The following CSMD1 variants were observed in gnomAD, a reference collection of about 807,000 sequenced individuals.
The protein encoded by CSMD1 is CUB and sushi domain-containing protein 1.
Under a neutral mutation model 417.5 loss-of-function variants are expected in CSMD1, and 213 were observed. That is an observed-to-expected ratio of 0.51 (90% CI 0.46 to 0.57). CSMD1 has a LOEUF of 0.57. Ranked by LOEUF, CSMD1 falls within the 20% of genes least tolerant of loss-of-function variation. The pLI, the probability that CSMD1 is intolerant of heterozygous loss-of-function variation, is 0.00. For missense variants in CSMD1, 6,923 were observed against 4,529.7 expected (o/e 1.53, Z -15.17); for synonymous variants, 2,862 against 1,736.8 (o/e 1.65, Z -16.11).
intron 7 of CSMD1, among the ~76,000 whole-genome samples, chr8:3,641,597 G>A (rs893505574): frequency 6.6e-6 from 1 of 152,140 alleles, no homozygotes; most frequent in African/African-American, 2.4e-5. Context: ...TGCTTCTTAT[G>A]TCTCAAGAGG....
intron 3 of CSMD1, among the ~76,000 whole-genome samples, chr8:4,233,724 T>C (rs1038311464): frequency 2.6e-5 from 4 of 152,122 alleles, no homozygotes; most frequent in Admixed American, 2.6e-4. Context: ...CAGACTAAGA[T>C]ATTAATAAAA....
At chr8:4,886,971 T>C (rs938275629) in intron 1 of CSMD1, among the ~76,000 whole-genome samples, 6 of 152,066 alleles carry the variant, frequency 3.9e-5, no homozygotes, top group African/African-American at 1.4e-4. Flanking sequence ...ATTCTGTATT[T>C]CATCATTTTC....
At chr8:3,970,178 C>T (rs770564872) in intron 5 of CSMD1, among the ~76,000 whole-genome samples, 2 of 146,588 alleles carry the variant, frequency 1.4e-5, no homozygotes, top group Non-Finnish European at 3.0e-5. Flanking sequence ...TGAATAGGAA[C>T]CTCTTGAACA....
At chr8:3,218,060 A>C in intron 29 of CSMD1, among the ~76,000 whole-genome samples, 1 of 152,206 alleles carries the variant, frequency 6.6e-6, no homozygotes, top group Non-Finnish European at 1.5e-5. Context: ...CAATAGCAAA[A>C]TGTTGAGTTG....
intron 5 of CSMD1, among the ~76,000 whole-genome samples, chr8:3,941,558 C>T (rs2129769166): frequency 6.6e-6 from 1 of 152,152 alleles, no homozygotes; most frequent in South Asian, 2.1e-4. Context: ...CAGTGGGTTT[C>T]CTTGGATATT....
chr8:4,180,083 T>C (rs574923791), intron 3 of CSMD1, among the ~76,000 whole-genome samples: 2 of 152,262 alleles, frequency 1.3e-5, no homozygotes, highest in South Asian at 4.2e-4. Context: ...ACTGGGTATA[T>C]ACCCAAAGAC....
intron 26 of CSMD1, among the ~76,000 whole-genome samples, chr8:3,279,869 T>C (rs1366731982): frequency 6.6e-6 from 1 of 152,172 alleles, no homozygotes; most frequent in African/African-American, 2.4e-5. Flanking sequence ...ACTGCCCTCA[T>C]GATCCAACCA....
intron 2 of CSMD1, among the ~76,000 whole-genome samples, chr8:4,576,126 C>T (rs145781354): frequency 1.5e-4 from 23 of 152,306 alleles, no homozygotes; most frequent in African/African-American, 5.1e-4. Flanking sequence ...CTAGCCTATC[C>T]CTCTTAGAAT....
intron 10 of CSMD1, among the ~76,000 whole-genome samples, chr8:3,511,112 C>T (rs917852404): frequency 2.0e-5 from 3 of 151,750 alleles, no homozygotes; most frequent in African/African-American, 7.3e-5. Context: ...CCATCACTGT[C>T]AGCAAACTAA....
chr8:3,946,563 A>G (rs74448867), intron 5 of CSMD1, among the ~76,000 whole-genome samples: 6,585 of 151,660 alleles, frequency 0.043, 225 homozygotes, highest in Non-Finnish European at 0.064. Context: ...TCCTAAAAAC[A>G]AACAAACAAA....
chr8:3,373,418 A>C (rs1275090328), intron 18 of CSMD1: 1 of 152,242 alleles, frequency 6.6e-6, no homozygotes, highest in African/African-American at 2.4e-5. Context: ...GTGCAAACAC[A>C]ACGTAGTCCA....
intron 2 of CSMD1, among the ~76,000 whole-genome samples, chr8:4,544,263 C>T (rs1048238935): frequency 3.3e-5 from 5 of 152,020 alleles, no homozygotes; most frequent in Non-Finnish European, 4.4e-5. Flanking sequence ...ATATTTAGGT[C>T]TATGAGCCAT....
intron 12 of CSMD1, among the ~76,000 whole-genome samples, chr8:3,436,917 A>G (rs577476167): frequency 6.6e-6 from 1 of 152,308 alleles, no homozygotes; most frequent in East Asian, 1.9e-4. Flanking sequence ...CACTTTATGT[A>G]TGGCTTCTCC....
chr8:4,713,641 A>T (rs1356739074), intron 1 of CSMD1, among the ~76,000 whole-genome samples: 1 of 152,094 alleles, frequency 6.6e-6, no homozygotes, highest in Non-Finnish European at 1.5e-5. Flanking sequence ...AATATAAAAA[A>T]GTGGAACGTC....
chr8:3,373,998 G>A (rs1387987227), intron 18 of CSMD1, among the ~76,000 whole-genome samples: 1 of 149,018 alleles, frequency 6.7e-6, no homozygotes, highest in Admixed American at 6.7e-5. Context: ...CTTTGCCCAG[G>A]CTGGAGTGCA....
At chr8:4,322,737 G>A (rs1045317465) in intron 3 of CSMD1, among the ~76,000 whole-genome samples, 6 of 152,228 alleles carry the variant, frequency 3.9e-5, no homozygotes, top group African/African-American at 7.2e-5. Context: ...GCTCGTGCCT[G>A]TAATACCAGC....
intron 3 of CSMD1, among the ~76,000 whole-genome samples, chr8:4,236,024 T>C (rs1452601803): frequency 1.1e-4 from 2 of 18,056 alleles, no homozygotes; most frequent in South Asian, 0.016. Flanking sequence ...TTAATGGATA[T>C]TGTTTTTTTT....
intron 11 of CSMD1, among the ~76,000 whole-genome samples, chr8:3,473,132 T>A (rs754115359): frequency 2.0e-5 from 3 of 152,238 alleles, no homozygotes; most frequent in Non-Finnish European, 4.4e-5. Flanking sequence ...TCTATTCAAC[T>A]ACTTTAGACA....
intron 5 of CSMD1, among the ~76,000 whole-genome samples, chr8:3,756,429 C>CA (rs1797661787): frequency 6.6e-6 from 1 of 151,480 alleles, no homozygotes; most frequent in African/African-American, 2.4e-5. Flanking sequence ...ATATCACATA[C>CA]AAAAAACGTT....
Sources: allele counts gnomAD v4.1 joint callset (sites outside exome capture counted in the v4.1 genomes callset), GRCh38; gene constraint gnomAD v4.1.1; transcripts MANE v1.5; gene names NCBI Gene and HGNC (gene_info 2026-07-23, HGNC 2026-07-21).